SDK1: variants seen among roughly 807,000 people sequenced by gnomAD.
SDK1 encodes sidekick cell adhesion molecule 1.
Under a neutral mutation model 245.5 loss-of-function variants are expected in SDK1, and 157 were observed. The observed-to-expected ratio is 0.64, with a 90% CI of 0.56 to 0.73. The LOEUF (loss-of-function observed/expected upper bound fraction) is 0.73, where lower values mean the gene tolerates loss of function less well. Ranked by LOEUF, SDK1 falls within the 30% of genes least tolerant of loss-of-function variation. The pLI is 0.00. For missense variants in SDK1, 3,583 were observed against 3,002.3 expected, an observed-to-expected ratio of 1.19 and a Z score of -4.52; for synonymous variants, 1,647 against 1,278.5, an observed-to-expected ratio of 1.29 and a Z score of -6.15.
intron 35 of SDK1, among the ~76,000 whole-genome samples, chr7:4,204,723 CG>C (rs914165002): frequency 6.6e-6 from 1 of 152,162 alleles, no homozygotes; most frequent in African/African-American, 2.4e-5. Context: ...GAGGAGTGCT[CG>C]GCTGGCCTCT....
intron 1 of SDK1, among the ~76,000 whole-genome samples, chr7:3,412,538 T>C (rs1044659438): frequency 2.0e-5 from 3 of 152,228 alleles, no homozygotes; most frequent in African/African-American, 7.2e-5. Flanking sequence ...TTCATGGACA[T>C]TATAACCTTT....
intron 14 of SDK1, among the ~76,000 whole-genome samples, chr7:3,999,835 A>G (rs377057746): frequency 3.3e-4 from 50 of 152,322 alleles, no homozygotes; most frequent in African/African-American, 1.1e-3. Context: ...TCCCCCCACC[A>G]TGAGGGAGCA....
At chr7:3,439,257 T>C (rs1780124079) in intron 1 of SDK1, among the ~76,000 whole-genome samples, 1 of 152,160 alleles carries the variant, frequency 6.6e-6, no homozygotes, top group Non-Finnish European at 1.5e-5. Context: ...ATAAACTCTT[T>C]TATTTCCCCT....
At chr7:3,939,985 G>A (rs1044405816) in intron 5 of SDK1, among the ~76,000 whole-genome samples, 3 of 152,226 alleles carry the variant, frequency 2.0e-5, no homozygotes, top group African/African-American at 4.8e-5. Flanking sequence ...ACCTTGAGAC[G>A]CGTAGGCAAT....
intron 1 of SDK1, among the ~76,000 whole-genome samples, chr7:3,611,907 C>G (rs1230050615): frequency 6.6e-6 from 1 of 152,144 alleles, no homozygotes; most frequent in Admixed American, 6.5e-5. Context: ...CCATGGAATA[C>G]TATTCAGCTC....
chr7:3,457,734 C>G (rs905960686), intron 1 of SDK1, among the ~76,000 whole-genome samples: 1 of 152,168 alleles, frequency 6.6e-6, no homozygotes, highest in African/African-American at 2.4e-5. Flanking sequence ...TGATTGTTCT[C>G]TGGGTCTTCC....
chr7:3,651,134 T>TG (rs1051433433), intron 4 of SDK1, among the ~76,000 whole-genome samples: 12 of 151,446 alleles, frequency 7.9e-5, no homozygotes, highest in East Asian at 3.9e-4. Flanking sequence ...GTTTTAGTTT[T>TG]TTTTTTTTTT....
At chr7:3,376,424 GTC>G (rs1781357286) in intron 1 of SDK1, among the ~76,000 whole-genome samples, 4 of 152,054 alleles carry the variant, frequency 2.6e-5, no homozygotes, top group Admixed American at 2.6e-4. Context: ...AAAAGGCAGT[GTC>G]TCGGAGAACT....
rs551496984 is a variant in SDK1, at chr7:4,125,021, AATGG to A, written c.3824-2352_3824-2349del. On this transcript the variant is annotated intron_variant, in intron 25 of 44. Transcript: ENST00000404826. ...GGATGAGTGAATGGATGGATGGGTA[AATGG>A]ATGGATGAATGAATAGATGGATGGA... 5.6e-3 allele frequency among the ~76,000 whole-genome samples: 758 copies of A among 135,398 alleles called. 8 individuals are homozygous for A. Among genetic ancestry groups the A allele is most frequent in the African/African-American group, 0.021 (723 of 35,184 alleles). 88.8% of individuals were successfully genotyped at this position (135,398 alleles called of 152,430 possible).
intron 1 of SDK1, among the ~76,000 whole-genome samples, chr7:3,470,416 T>C (rs1781145185): frequency 6.6e-6 from 1 of 152,186 alleles, no homozygotes. Flanking sequence ...TATAGAAATA[T>C]AAAATTTGTA....
At chr7:3,978,112 T>C (rs879264469) in intron 13 of SDK1, among the ~76,000 whole-genome samples, 10 of 151,950 alleles carry the variant, frequency 6.6e-5, no homozygotes, top group African/African-American at 2.4e-4. Flanking sequence ...ATTTTGATAA[T>C]ATAGGAGGAT....
chr7:3,662,594 G>A (rs923701028), intron 4 of SDK1, among the ~76,000 whole-genome samples: 1 of 152,224 alleles, frequency 6.6e-6, no homozygotes, highest in African/African-American at 2.4e-5. Context: ...ACGATTGGGA[G>A]CTCACAGGCT....
intron 13 of SDK1, among the ~76,000 whole-genome samples, chr7:3,984,279 G>A (rs1783648951): frequency 6.6e-6 from 1 of 152,106 alleles, no homozygotes; most frequent in South Asian, 2.1e-4. Flanking sequence ...CCCGTGAGTA[G>A]CCTCCATTTA....
At chr7:4,131,600 A>G (rs1236833139) in intron 27 of SDK1, among the ~76,000 whole-genome samples, 1 of 152,194 alleles carries the variant, frequency 6.6e-6, no homozygotes, top group African/African-American at 2.4e-5. Flanking sequence ...TCAGTTATTA[A>G]TTCCAACAAG....
chr7:3,657,489 G>C (rs890025276), intron 4 of SDK1, among the ~76,000 whole-genome samples: 5 of 152,168 alleles, frequency 3.3e-5, no homozygotes, highest in African/African-American at 1.2e-4. Context: ...AGGCAGGGTG[G>C]TGTGGAAGGC....
In SDK1 at chr7:4,127,380, G is replaced by T; in HGVS notation, c.3824-1G>T. The T allele has an allele frequency of 6.2e-7, 1 of 1,613,092 alleles. No homozygotes were observed. The highest frequency in any genetic ancestry group is 2.2e-5 in the East Asian group (1 of 44,880). On this transcript the variant is annotated splice_acceptor_variant, in intron 25 of 44. Transcript: ENST00000404826. LOFTEE classifies it high-confidence loss of function. ...TAATCTACTTCATTGGTTCTTTGCA[G>T]TTCCTTCAGCCGCCCCTGAGAACGT...
At chr7:3,646,319 T>C (rs1257330568) in intron 4 of SDK1, among the ~76,000 whole-genome samples, 3 of 139,294 alleles carry the variant, frequency 2.2e-5, no homozygotes, top group African/African-American at 8.6e-5. Context: ...AATTAAATGA[T>C]TTTTTTTTTC....
At position 4,003,319 on chromosome 7, in the gene SDK1, C is replaced by T. The variant is rs1488440470; in HGVS notation, c.2132-7647C>T. 2.0e-5 allele frequency among the ~76,000 whole-genome samples: 3 copies of T among 152,180 alleles called. No homozygotes were observed. The East Asian group carries it at 5.8e-4, about 29-fold the overall frequency. On this transcript the variant is annotated intron_variant, in intron 14 of 44. Transcript: ENST00000404826. ...TCTTACTAAACTTGGTGTTTTAGAG[C>T]AGTTTGGAGCTTACAGAACTGTTTC... is the stretch of plus-strand genomic sequence containing the variant.
At position 3,697,666 on chromosome 7, in the gene SDK1, T is replaced by C. The variant is rs886420479; in HGVS notation, c.713+55561T>C. Among the ~76,000 whole-genome samples the C allele has an allele frequency of 2.0e-5, 3 of 152,226 alleles. No homozygotes were observed. The East Asian group carries it at 5.8e-4, about 29-fold the overall frequency. On this transcript the variant is annotated intron_variant, in intron 4 of 44. Transcript: ENST00000404826. The stretch of plus-strand genomic sequence containing the variant: ...TGTGCAAAAAGTACTTGGTTTTACT[T>C]CTAAAGCTGATGTGGTTTATAACTT...
Sources: allele counts gnomAD v4.1 joint callset (sites outside exome capture counted in the v4.1 genomes callset), GRCh38; gene constraint gnomAD v4.1.1; transcripts MANE v1.5; gene names NCBI Gene and HGNC (gene_info 2026-07-23, HGNC 2026-07-21).